The following GPSM2 variants were observed in gnomAD, a reference collection of about 807,000 sequenced individuals.
GPSM2 encodes G protein signaling modulator 2.
In GPSM2, 58 loss-of-function variants were observed where a neutral mutation model predicts 78.4. The ratio of observed to expected loss-of-function variants is 0.74; its 90% confidence interval spans 0.60 to 0.92. GPSM2 has a LOEUF of 0.92. Ranked by LOEUF, GPSM2 falls within the 40% of genes least tolerant of loss-of-function variation. The pLI is 0.00. For synonymous variants in GPSM2, 224 were observed against 280.2 expected (o/e 0.80, Z 2.00); for missense variants, 700 against 815.5 (o/e 0.86, Z 1.73).
intron 12 of GPSM2, among the ~76,000 whole-genome samples, chr1:108,921,725 T>G (rs74113452): frequency 0.021 from 3,166 of 152,244 alleles, 96 homozygotes; most frequent in African/African-American, 0.069. Context: ...TCCAAATGCT[T>G]ATTCATTCTT....
At chr1:108,929,166 T>G (rs1174647187) in intron 14 of GPSM2, among the ~76,000 whole-genome samples, 4 of 152,128 alleles carry the variant, frequency 2.6e-5, no homozygotes, top group Non-Finnish European at 4.4e-5. Context: ...AGCAGCCATA[T>G]AGATAGTATA....
At chr1:108,887,773 G>A (rs775711075) in intron 2 of GPSM2, among the ~76,000 whole-genome samples, 9 of 152,304 alleles carry the variant, frequency 5.9e-5, no homozygotes, top group African/African-American at 9.6e-5. Context: ...ACCCCCATCC[G>A]TGTGTGGAGC....
At chr1:108,904,641 C>T (rs1443311167) in intron 10 of GPSM2, among the ~76,000 whole-genome samples, 4 of 151,620 alleles carry the variant, frequency 2.6e-5, no homozygotes, top group African/African-American at 7.3e-5. Flanking sequence ...TATCTCATAT[C>T]GTTTTACGTA....
intron 10 of GPSM2, among the ~76,000 whole-genome samples, chr1:108,906,374 C>G (rs1649219978): frequency 6.6e-6 from 1 of 152,050 alleles, no homozygotes; most frequent in Non-Finnish European, 1.5e-5. Flanking sequence ...TCACTCACTT[C>G]TACATCAAAC....
Position 108,931,523 on chromosome 1 carries a change from C to CA in GPSM2, c.*1588dup. The CA allele has an allele frequency of 1.3e-6, 2 of 1,519,284 alleles. No homozygotes were observed. The highest frequency in any genetic ancestry group is 2.5e-5 in the South Asian group (2 of 80,350). The allele number at this position is 1,519,284 out of a possible 1,614,324, so 94.1% of individuals were successfully genotyped here. A position where few individuals can be genotyped will look rare whatever the true frequency, so the allele number is the denominator to read the frequency against. ...CTGGGGATGTGGACCCCTATTCTTT[C>CA]AAAAAGTCATTCAGGTGATTTGGAT... On this transcript the variant is annotated 3_prime_UTR_variant, in exon 15 of 15. Coordinates refer to ENST00000264126, the MANE Select transcript of GPSM2 (RefSeq NM_013296.5).
chr1:108,908,825 A>T (rs1649477611), intron 10 of GPSM2, among the ~76,000 whole-genome samples: 1 of 151,638 alleles, frequency 6.6e-6, no homozygotes, highest in Non-Finnish European at 1.5e-5. Context: ...GCACACAGGG[A>T]GACCGCCATC....
chr1:108,894,687 G>C (rs899948070), intron 2 of GPSM2, among the ~76,000 whole-genome samples: 1 of 151,642 alleles, frequency 6.6e-6, no homozygotes, highest in Admixed American at 6.6e-5. Flanking sequence ...GACAGTGAGA[G>C]ACTGTGTCTC....
intron 10 of GPSM2, among the ~76,000 whole-genome samples, chr1:108,908,302 C>G (rs554081635): frequency 6.6e-6 from 1 of 151,412 alleles, no homozygotes; most frequent in South Asian, 2.1e-4. Context: ...ACCTGGGAGG[C>G]GGAGCTTGCA....
At position 108,934,105 on chromosome 1, in the gene GPSM2, G is replaced by A. The variant is rs944406972; in HGVS notation, c.*4165G>A. On this transcript the variant is annotated 3_prime_UTR_variant, in exon 15 of 15. Coordinates refer to ENST00000264126, the MANE Select transcript of GPSM2 (RefSeq NM_013296.5). The stretch of plus-strand genomic sequence containing the variant: ...TTTCTCTAAGTAAACAAAGTAAAAG[G>A]AACAATAAGGATGCAGGCGTAGTAA... The A allele has an allele frequency of 3.3e-5, 5 of 152,300 alleles. No homozygotes were observed. Among genetic ancestry groups the A allele is most frequent in the Admixed American group, 2.6e-4 (4 of 15,280 alleles). 9.4% of individuals were successfully genotyped at this position (152,300 alleles called of 1,614,324 possible).
chr1:108,927,368 C>T (rs1428241100), intron 14 of GPSM2, among the ~76,000 whole-genome samples: 1 of 152,136 alleles, frequency 6.6e-6, no homozygotes, highest in African/African-American at 2.4e-5. Context: ...AGCTTTAGGG[C>T]TCACATTTTT....
At chr1:108,920,069 G>A (rs1346115618) in intron 12 of GPSM2, among the ~76,000 whole-genome samples, 1 of 151,804 alleles carries the variant, frequency 6.6e-6, no homozygotes, top group East Asian at 2.0e-4. Context: ...CAGGAGACTG[G>A]GGTGGGAGGA....
At chr1:108,913,157 C>T (rs1326846618) in intron 10 of GPSM2, among the ~76,000 whole-genome samples, 2 of 152,128 alleles carry the variant, frequency 1.3e-5, no homozygotes, top group Admixed American at 6.6e-5. Flanking sequence ...TAAAGATGCG[C>T]CAACTGGATG....
At chr1:108,919,445 TATTA>T (rs1650534807) in intron 12 of GPSM2, among the ~76,000 whole-genome samples, 1 of 152,228 alleles carries the variant, frequency 6.6e-6, no homozygotes, top group Non-Finnish European at 1.5e-5. Flanking sequence ...GATTTCTAAA[TATTA>T]ATTTAGAATG....
Position 108,898,098 on chromosome 1 carries a change from ATGAG to A in GPSM2, c.557+3_557+6del, listed in dbSNP as rs759884561. The A allele has an allele frequency of 1.9e-6, 3 of 1,613,782 alleles. No homozygotes were observed. Among genetic ancestry groups the A allele is most frequent in the African/African-American group, 1.3e-5 (1 of 74,924 alleles). On this transcript the variant is annotated splice_donor_variant and coding_sequence_variant, in exon 5 of 15. Transcript: ENST00000264126. LOFTEE classifies it high-confidence loss of function. ...GCTCTGCAGGCAGCCGTGGATTTTTATGAGTGAGTAGGGGCTGATATGGGCAGTC... is the reference window on the plus strand; with the variant it reads ...GCTCTGCAGGCAGCCGTGGATTTTTATGAGTAGGGGCTGATATGGGCAGTC...
chr1:108,924,683 A>C (rs1389452245), intron 14 of GPSM2, among the ~76,000 whole-genome samples: 1 of 152,196 alleles, frequency 6.6e-6, no homozygotes, highest in Admixed American at 6.5e-5. Context: ...TTCCATGCAG[A>C]GACAGCAAGT....
chr1:108,929,622 G>C (rs1651550056), intron 14 of GPSM2, 79 bp from the exon 15 acceptor site: 16 of 1,359,866 alleles, frequency 1.2e-5, no homozygotes, highest in Admixed American at 3.4e-5. Context: ...GCGTTTTCTT[G>C]TTGTGACTGA....
intron 2 of GPSM2, among the ~76,000 whole-genome samples, chr1:108,887,577 C>A (rs1347920871): frequency 6.6e-6 from 1 of 152,180 alleles, no homozygotes; most frequent in Non-Finnish European, 1.5e-5. Context: ...CTTGGATGGC[C>A]TAGAATGCCA....
At chr1:108,895,311 T>G (rs1273985251) in intron 2 of GPSM2, among the ~76,000 whole-genome samples, 4 of 152,230 alleles carry the variant, frequency 2.6e-5, no homozygotes, top group Non-Finnish European at 4.4e-5. Flanking sequence ...TTAAAACATT[T>G]GATGAGCTTA....
At chr1:108,909,562 G>A (rs1411702584) in intron 10 of GPSM2, 1 of 152,100 alleles carries the variant, frequency 6.6e-6, no homozygotes, top group Non-Finnish European at 1.5e-5. Context: ...CAATTTTGTG[G>A]CATGTGACTT....
Sources: allele counts gnomAD v4.1 joint callset (sites outside exome capture counted in the v4.1 genomes callset), GRCh38; gene constraint gnomAD v4.1.1; transcripts MANE v1.5; gene names NCBI Gene and HGNC (gene_info 2026-07-23, HGNC 2026-07-21).